The following RAB2A variants were observed in gnomAD, a reference collection of about 807,000 sequenced individuals.
The protein encoded by RAB2A is RAB2A, member RAS oncogene family, also known as ras-related protein Rab-2A.
A neutral mutation model predicts 32.5 loss-of-function variants in RAB2A; 7 were observed. The observed-to-expected ratio is 0.22, with a 90% CI of 0.12 to 0.40. RAB2A has a LOEUF of 0.40. Ranked by LOEUF, RAB2A falls within the 10% of genes least tolerant of loss-of-function variation. RAB2A has a pLI of 1.00. For synonymous variants in RAB2A, 79 were observed against 85.2 expected (o/e 0.93, Z 0.40); for missense variants, 108 against 260.7 (o/e 0.41, Z 4.03).
At chr8:60,535,379 T>G (rs1287663288) in intron 1 of RAB2A, among the ~76,000 whole-genome samples, 1 of 152,186 alleles carries the variant, frequency 6.6e-6, no homozygotes, top group African/African-American at 2.4e-5. Context: ...TTCCAGAAAT[T>G]TTCTGTACCT....
At chr8:60,546,949 G>C (rs868545531) in intron 1 of RAB2A, among the ~76,000 whole-genome samples, 1 of 144,212 alleles carries the variant, frequency 6.9e-6, no homozygotes, top group Non-Finnish European at 1.5e-5. Context: ...CGCAGAGGGG[G>C]ATTTGGCAGG....
intron 3 of RAB2A, chr8:60,583,924 A>T (rs1231345060): frequency 3.8e-6 from 1 of 262,804 alleles, no homozygotes. Flanking sequence ...GAAGCCATTC[A>T]GTAAATTGGG....
At chr8:60,586,814 A>T (rs1004580473) in intron 5 of RAB2A, among the ~76,000 whole-genome samples, 3 of 152,004 alleles carry the variant, frequency 2.0e-5, no homozygotes, top group African/African-American at 7.2e-5. Flanking sequence ...CTTTAGCTCT[A>T]CTTACTCAGG....
chr8:60,551,497 T>C (rs1006710784), intron 1 of RAB2A, among the ~76,000 whole-genome samples: 1 of 152,246 alleles, frequency 6.6e-6, no homozygotes, highest in African/African-American at 2.4e-5. Context: ...GATTAACTTA[T>C]TTAATGTTCT....
intron 6 of RAB2A, among the ~76,000 whole-genome samples, chr8:60,608,584 T>G (rs2150436015): frequency 7.1e-6 from 1 of 141,662 alleles, no homozygotes; most frequent in East Asian, 2.2e-4. Flanking sequence ...TCTCCTCCTC[T>G]CCCTCCCTCC....
chr8:60,525,958 T>C (rs1426481465), intron 1 of RAB2A, among the ~76,000 whole-genome samples: 5 of 147,012 alleles, frequency 3.4e-5, no homozygotes. Flanking sequence ...TATGTATATA[T>C]GTATATATAT....
intron 6 of RAB2A, among the ~76,000 whole-genome samples, chr8:60,596,367 C>T (rs1160550652): frequency 1.3e-5 from 2 of 152,192 alleles, no homozygotes; most frequent in African/African-American, 2.4e-5. Context: ...AGGCAACCTA[C>T]AGAATGGGAG....
intron 3 of RAB2A, 34 bp downstream of exon 3, chr8:60,572,147 G>A (rs1347319581): frequency 4.1e-6 from 6 of 1,473,202 alleles, no homozygotes; most frequent in South Asian, 3.5e-5. Flanking sequence ...TATGATCTCA[G>A]TAAAGTTACT....
At chr8:60,587,209 C>CAT (rs1406867608) in intron 5 of RAB2A, among the ~76,000 whole-genome samples, 2 of 152,004 alleles carry the variant, frequency 1.3e-5, no homozygotes, top group Non-Finnish European at 2.9e-5. Context: ...GAAGTAGATT[C>CAT]ATATATATAT....
chr8:60,562,898 G>A (rs1283329949), intron 2 of RAB2A, among the ~76,000 whole-genome samples: 1 of 152,024 alleles, frequency 6.6e-6, no homozygotes, highest in Non-Finnish European at 1.5e-5. Context: ...CATTCATTCA[G>A]TCAAGCTAAA....
At chr8:60,560,180 C>A (rs1469317663) in intron 2 of RAB2A, among the ~76,000 whole-genome samples, 1 of 152,158 alleles carries the variant, frequency 6.6e-6, no homozygotes, top group African/African-American at 2.4e-5. Context: ...GCCCCCAAAT[C>A]CCTGGCTCAT....
chr8:60,596,661 G>A (rs997148800), intron 6 of RAB2A, among the ~76,000 whole-genome samples: 1 of 152,166 alleles, frequency 6.6e-6, no homozygotes, highest in African/African-American at 2.4e-5. Context: ...GGTGGCTCAT[G>A]CCTGTAATCC....
chr8:60,556,740 G>C (rs942330011), intron 1 of RAB2A, among the ~76,000 whole-genome samples: 2 of 151,676 alleles, frequency 1.3e-5, no homozygotes, highest in Middle Eastern at 3.4e-3. Context: ...CCAACACTTA[G>C]TCAGAATGAG....
chr8:60,622,529 A>G lies in RAB2A; in HGVS notation c.*1760A>G, dbSNP rs946449948. The G allele has an allele frequency of 5.3e-5, 8 of 152,198 alleles. No individual in the cohort carries two copies. The highest frequency in any genetic ancestry group is 1.9e-4 in the African/African-American group (8 of 41,448). The allele number at this position is 152,198 out of a possible 1,614,324, so 9.4% of individuals were successfully genotyped here. On this transcript the variant is annotated 3_prime_UTR_variant, in exon 8 of 8. Coordinates refer to ENST00000262646, the MANE Select transcript of RAB2A (RefSeq NM_002865.3). Reference sequence around the variant, plus strand: ...TTACTAATCACTGTCTTTACCAGTGAGTACAAAAAGTTAAGGCAACTAGGA... The same window carrying G: ...TTACTAATCACTGTCTTTACCAGTGGGTACAAAAAGTTAAGGCAACTAGGA...
chr8:60,572,066 A>T lies in RAB2A; in HGVS notation c.139A>T (p.Met47Leu). Residue 47 changes from methionine to leucine, a missense_variant, in exon 3 of 8, where the codon ATG (methionine) becomes TTG (leucine). Met to Leu is a conservative substitution (Grantham distance 15). This residue lies in a region of RAB2A where 79 missense variants were observed against 199.8 expected (regional missense o/e 0.40). Transcript: ENST00000262646. ...TTTAGGTGTAGAGTTCGGTGCTCGA[A>T]TGATAACTATTGATGGGAAACAGAT... is the stretch of plus-strand genomic sequence containing the variant. ...LTIGVEFGAR[M>L]ITIDGKQIKL... is the part of the protein sequence containing the mutation. The T allele has an allele frequency of 6.3e-7, 1 of 1,575,992 alleles. No homozygotes were observed. The highest frequency in any genetic ancestry group is 8.6e-7 in the Non-Finnish European group (1 of 1,160,418).
intron 6 of RAB2A, among the ~76,000 whole-genome samples, chr8:60,598,436 C>T (rs1489921026): frequency 1.3e-5 from 2 of 151,734 alleles, no homozygotes; most frequent in African/African-American, 2.4e-5. Flanking sequence ...AAAGACAATA[C>T]AAAAAAAGGA....
At chr8:60,549,807 TA>T in intron 1 of RAB2A, among the ~76,000 whole-genome samples, 1 of 152,262 alleles carries the variant, frequency 6.6e-6, no homozygotes, top group Admixed American at 6.5e-5. Flanking sequence ...AATAACTGTT[TA>T]TAGGGGATTC....
At chr8:60,521,793 G>C (rs748170967) in intron 1 of RAB2A, among the ~76,000 whole-genome samples, 1 of 152,046 alleles carries the variant, frequency 6.6e-6, no homozygotes, top group Non-Finnish European at 1.5e-5. Flanking sequence ...GCTGATTTTT[G>C]TATTTTTAGT....
chr8:60,526,033 ATATATATATATATATATATATAT>A (rs1807379306), intron 1 of RAB2A, among the ~76,000 whole-genome samples: 1 of 109,842 alleles, frequency 9.1e-6, no homozygotes, highest in Non-Finnish European at 1.7e-5. Context: ...ATATATATAT[ATATATATATATATATATATATAT>A]AAGTTTTCTG....
Sources: gnomAD v4.1 joint callset for allele counts (sites outside exome capture counted in the v4.1 genomes callset) on GRCh38, gnomAD v4.1.1 for gene constraint, gnomAD v4.1.1 regional missense constraint, MANE v1.5 for transcripts, NCBI Gene and HGNC (gene_info 2026-07-23, HGNC 2026-07-21) for gene names.